Variants in DPYSL5 observed in about 807,000 individuals in gnomAD.
The protein encoded by DPYSL5 is dihydropyrimidinase like 5, also known as dihydropyrimidinase-related protein 5.
A neutral mutation model predicts 58.4 loss-of-function variants in DPYSL5; 9 were observed. The ratio of observed to expected loss-of-function variants is 0.15; its 90% CI spans 0.09 to 0.27. The LOEUF (loss-of-function observed/expected upper bound fraction) is 0.27. Among genes scored for constraint, DPYSL5 ranks in the 10% least tolerant of loss-of-function variants. The probability of loss-of-function intolerance (pLI) is 1.00; values close to 1 mark genes in which losing one functional copy is unlikely to be tolerated. For missense variants in DPYSL5, 499 were observed against 770.6 expected (o/e 0.65, Z 4.17); for synonymous variants, 293 against 301.9 (o/e 0.97, Z 0.31).
chr2:26,932,103 G>GGAAAAAAGAA (rs1665017337), intron 6 of DPYSL5, among the ~76,000 whole-genome samples: 2 of 104,866 alleles, frequency 1.9e-5, no homozygotes, highest in East Asian at 2.9e-4. Context: ...GAAAGAGAAA[G>GGAAAAAAGAA]AAAGAAAAGA....
At chr2:26,891,911 G>T (rs1663889824) in intron 1 of DPYSL5, among the ~76,000 whole-genome samples, 1 of 152,092 alleles carries the variant, frequency 6.6e-6, no homozygotes. Context: ...GACCTCAAGT[G>T]ATCCGCCGGC....
intron 1 of DPYSL5, among the ~76,000 whole-genome samples, chr2:26,862,990 T>A (rs147513537): frequency 3.5e-4 from 53 of 152,272 alleles, no homozygotes; most frequent in Non-Finnish European, 5.1e-4. Context: ...TGGAATCCCC[T>A]TTTTGGAATA....
intron 1 of DPYSL5, among the ~76,000 whole-genome samples, chr2:26,894,041 TATAA>T (rs1663954220): frequency 6.7e-6 from 1 of 148,732 alleles, no homozygotes; most frequent in African/African-American, 2.4e-5. Flanking sequence ...ATATTATAAA[TATAA>T]ATATAACAAT....
chr2:26,852,822 C>T (rs960904891), intron 1 of DPYSL5, among the ~76,000 whole-genome samples: 1 of 152,188 alleles, frequency 6.6e-6, no homozygotes, highest in Non-Finnish European at 1.5e-5. Flanking sequence ...TGGGGTTGTT[C>T]TGAGGCTTAC....
intron 2 of DPYSL5, among the ~76,000 whole-genome samples, chr2:26,909,603 C>CA (rs1224983630): frequency 2.6e-5 from 4 of 151,940 alleles, no homozygotes; most frequent in Non-Finnish European, 5.9e-5. Flanking sequence ...CCCATCTCTA[C>CA]AAAAAATACA....
intron 1 of DPYSL5, among the ~76,000 whole-genome samples, chr2:26,881,483 A>T (rs1479827450): frequency 1.3e-5 from 2 of 152,106 alleles, no homozygotes; most frequent in Non-Finnish European, 2.9e-5. Flanking sequence ...ATGAATTTCC[A>T]TGGGCACTGA....
At chr2:26,855,529 T>C (rs1210821296) in intron 1 of DPYSL5, among the ~76,000 whole-genome samples, 6 of 152,168 alleles carry the variant, frequency 3.9e-5, no homozygotes, top group Non-Finnish European at 8.8e-5. Flanking sequence ...TGTGCACGTG[T>C]CACTCCCTAC....
At chr2:26,882,179 C>G (rs1663585724) in intron 1 of DPYSL5, among the ~76,000 whole-genome samples, 1 of 151,032 alleles carries the variant, frequency 6.6e-6, no homozygotes, top group Admixed American at 6.6e-5. Context: ...GGAAAGTTTT[C>G]CACCTTATTT....
At chr2:26,882,742 A>C (rs1373007753) in intron 1 of DPYSL5, among the ~76,000 whole-genome samples, 1 of 152,060 alleles carries the variant, frequency 6.6e-6, no homozygotes, top group Non-Finnish European at 1.5e-5. Flanking sequence ...CTCTACTAAA[A>C]ATACAAAAAT....
At chr2:26,895,520 G>A (rs1179611583) in intron 1 of DPYSL5, among the ~76,000 whole-genome samples, 3 of 152,124 alleles carry the variant, frequency 2.0e-5, no homozygotes, top group Admixed American at 1.3e-4. Context: ...CATACGCATT[G>A]TGGAATGACT....
At chr2:26,889,463 A>C (rs1278234848) in intron 1 of DPYSL5, among the ~76,000 whole-genome samples, 1 of 151,740 alleles carries the variant, frequency 6.6e-6, no homozygotes, top group South Asian at 2.1e-4. Flanking sequence ...GTAGACACAC[A>C]GTTTCATCGT....
intron 1 of DPYSL5, among the ~76,000 whole-genome samples, chr2:26,896,619 A>G (rs531399527): frequency 1.2e-4 from 18 of 152,262 alleles, no homozygotes; most frequent in African/African-American, 3.4e-4. Context: ...TTTAACTTGT[A>G]CTTTTCTGAT....
rs1364065597 is a variant in DPYSL5, at chr2:26,944,457, C to T, written c.1441-199C>T. Among the ~76,000 whole-genome samples the T allele has an allele frequency of 1.3e-5, 2 of 152,154 alleles. No individual in the cohort carries two copies. Among genetic ancestry groups the T allele is most frequent in the Non-Finnish European group, 2.9e-5 (2 of 68,020 alleles). On this transcript the variant is annotated intron_variant, in intron 11 of 12. Coordinates refer to ENST00000288699, the MANE Select transcript of DPYSL5 (RefSeq NM_020134.4). This position sits in a 1 kb window ranked among gnomAD's most constrained non-coding sequence, Gnocchi z 4.4. ...ACGCATGCACACATGTACACATATG[C>T]ACATGCTCTTTAGGAGGTATGAGAA...
At chr2:26,906,821 C>T (rs1049939773) in intron 2 of DPYSL5, among the ~76,000 whole-genome samples, 5 of 150,856 alleles carry the variant, frequency 3.3e-5, no homozygotes, top group African/African-American at 2.4e-5. Flanking sequence ...AGCGTAGTGG[C>T]ATGATCATAG....
intron 1 of DPYSL5, among the ~76,000 whole-genome samples, chr2:26,876,741 C>T (rs1663418349): frequency 6.6e-6 from 1 of 151,992 alleles, no homozygotes; most frequent in African/African-American, 2.4e-5. Flanking sequence ...GTCTCGAACT[C>T]CTGACCTCAG....
At chr2:26,891,808 G>A (rs1663887191) in intron 1 of DPYSL5, among the ~76,000 whole-genome samples, 1 of 152,020 alleles carries the variant, frequency 6.6e-6, no homozygotes, top group Admixed American at 6.5e-5. Context: ...GAGTAGCTGG[G>A]ACCACAGGCA....
chr2:26,942,428 G>T lies in DPYSL5; in HGVS notation c.1233-115G>T, dbSNP rs1665347247. The T allele has an allele frequency of 6.6e-6, 8 of 1,211,112 alleles. No homozygotes were observed. The South Asian group carries it at 1.0e-4, about 15-fold the overall frequency. The allele number at this position is 1,211,112 out of a possible 1,614,324, so 75.0% of individuals were successfully genotyped here. On this transcript the variant is annotated intron_variant, in intron 10 of 12. Coordinates refer to ENST00000288699, the MANE Select transcript of DPYSL5 (RefSeq NM_020134.4). This position sits in a 1 kb window ranked among gnomAD's most constrained non-coding sequence, Gnocchi z 5.9. ...GTTAGAACTTCAGCAGAAGAATTTT[G>T]AAGGGAGCCAATTCAACCCATAACA...
At position 26,927,112 on chromosome 2, in the gene DPYSL5, T is replaced by G; in HGVS notation, c.421-141T>G. The stretch of plus-strand genomic sequence containing the variant: ...AGCAGCCTGTGGGGTGGGAGGAAAG[T>G]GAGATAGAGAGGTGTGGGGGGTCAA... On this transcript the variant is annotated intron_variant, in intron 3 of 12. Transcript: ENST00000288699. This position sits in a 1 kb window ranked among gnomAD's most constrained non-coding sequence, Gnocchi z 4.3. 1.8e-4 allele frequency: 141 copies of G among 793,162 alleles called. No individual in the cohort carries two copies. The highest frequency in any genetic ancestry group is 3.6e-4 in the Middle Eastern group (1 of 2,774). 49.1% of individuals were successfully genotyped at this position (793,162 alleles called of 1,614,324 possible).
In DPYSL5 at chr2:26,898,625, C is replaced by T. The variant is rs1387268283; in HGVS notation, c.126C>T (p.Leu42=). ...NGIIQQVGRE[L]MIPGGAKVID... is the part of the protein sequence containing the mutation. ...TCATCCAGCAGGTGGGCCGCGAGCT[C>T]ATGATCCCTGGCGGGGCCAAGGTGA... Residue 42 remains leucine, a synonymous_variant, in exon 2 of 13, where the codon CTC becomes CTT. Coordinates refer to ENST00000288699, the MANE Select transcript of DPYSL5 (RefSeq NM_020134.4). This position sits in a 1 kb window ranked among gnomAD's most constrained non-coding sequence, Gnocchi z 6.1. 1.2e-6 allele frequency: 2 copies of T among 1,614,170 alleles called. No individual in the cohort carries two copies. The highest frequency in any genetic ancestry group is 2.2e-5 in the South Asian group (2 of 91,058).
Sources: allele counts gnomAD v4.1 joint callset (sites outside exome capture counted in the v4.1 genomes callset), GRCh38; gene constraint gnomAD v4.1.1; non-coding constraint Gnocchi (gnomAD v3.1); transcripts MANE v1.5; gene names NCBI Gene and HGNC (gene_info 2026-07-23, HGNC 2026-07-21).